The following MEOX2 variants were observed in gnomAD, a reference collection of about 807,000 sequenced individuals.
MEOX2 encodes mesenchyme homeobox 2.
Under a neutral mutation model 27.0 loss-of-function variants are expected in MEOX2, and 11 were observed. The ratio of observed to expected loss-of-function variants is 0.41; its 90% CI spans 0.26 to 0.68. The LOEUF (loss-of-function observed/expected upper bound fraction) is 0.68, where lower values mean the gene tolerates loss of function less well. MEOX2 is among the 30% of genes least tolerant of loss of function. MEOX2 has a pLI of 0.33. For synonymous variants in MEOX2, 189 were observed against 155.4 expected, an observed-to-expected ratio of 1.22 and a Z score of -1.61; for missense variants, 436 against 385.4, an observed-to-expected ratio of 1.13 and a Z score of -1.10.
In MEOX2 at chr7:15,686,135, T is replaced by A. The variant is rs777632205; in HGVS notation, c.268A>T (p.Thr90Ser). The change falls in exon 1 of 3, where the codon ACC (threonine) becomes TCC (serine). Residue 90 changes from threonine (T) to serine (S), a missense_variant. Coordinates refer to ENST00000262041, the MANE Select transcript of MEOX2 (RefSeq NM_005924.5). ...HQQQQHQALQTNWHLPQMSSP... is the reference protein window; with the variant it reads ...HQQQQHQALQSNWHLPQMSSP... ...GACATCTGCGGGAGGTGCCAGTTGGTTTGCAGAGCCTGGTGCTGCTGCTGC... is the reference window on the plus strand; with the variant it reads ...GACATCTGCGGGAGGTGCCAGTTGGATTGCAGAGCCTGGTGCTGCTGCTGC... 1.7e-5 allele frequency: 27 copies of A among 1,583,724 alleles called. No homozygotes were observed. Among genetic ancestry groups the A allele is most frequent in the Non-Finnish European group, 2.1e-5 (24 of 1,165,682 alleles).
chr7:15,657,332 G>A (rs903471686), intron 1 of MEOX2, among the ~76,000 whole-genome samples: 12 of 152,114 alleles, frequency 7.9e-5, no homozygotes, highest in Admixed American at 7.2e-4. Flanking sequence ...ACAAATATTA[G>A]ATTGCTTTTG....
intron 1 of MEOX2, among the ~76,000 whole-genome samples, chr7:15,659,401 T>G (rs186760601): frequency 6.6e-6 from 1 of 151,994 alleles, no homozygotes; most frequent in Admixed American, 6.6e-5. Context: ...AAAATGAAAA[T>G]TTTATATCTG....
chr7:15,640,254 TTGTGTGTGTGTG>T (rs34600761), intron 1 of MEOX2, among the ~76,000 whole-genome samples: 3 of 145,912 alleles, frequency 2.1e-5, no homozygotes, highest in South Asian at 2.2e-4. Flanking sequence ...GTGTGTGTGT[TTGTGTGTGTGTG>T]TGTGTGTGTG....
Position 15,612,556 on chromosome 7 carries a change from T to C in MEOX2, c.746A>G (p.Gln249Arg), listed in dbSNP as rs747232554. 2 of 1,614,200 alleles carry C rather than the reference T, an allele frequency of 1.2e-6. No individual in the cohort carries two copies. The highest frequency in any genetic ancestry group is 1.1e-5 in the South Asian group (1 of 91,090). The change falls in exon 3 of 3, where the codon CAG becomes CGG. Residue 249 changes from glutamine to arginine, a missense_variant. Physicochemically the swap from Gln to Arg is conservative, Grantham distance 43. Coordinates refer to ENST00000262041, the MANE Select transcript of MEOX2 (RefSeq NM_005924.5). Reference sequence around the variant, plus strand: ...CTTTTCCCGAGCCGCAGCTCCTTGCTGTCCACCCTTTACCCTCTTCCACTT... The same window carrying C: ...CTTTTCCCGAGCCGCAGCTCCTTGCCGTCCACCCTTTACCCTCTTCCACTT... ...RMKWKRVKGG[Q>R]QGAAAREKEL...
intron 1 of MEOX2, among the ~76,000 whole-genome samples, chr7:15,641,034 A>T (rs920442766): frequency 3.9e-5 from 6 of 152,084 alleles, no homozygotes; most frequent in African/African-American, 1.4e-4. Flanking sequence ...ATATCGTGGT[A>T]GGATGAGTTA....
intron 1 of MEOX2, among the ~76,000 whole-genome samples, chr7:15,636,627 A>G (rs1781481881): frequency 6.6e-6 from 1 of 152,124 alleles, no homozygotes; most frequent in African/African-American, 2.4e-5. Context: ...ATTTCTTTGG[A>G]GATCTTAAAT....
chr7:15,660,870 A>T (rs1781902403), intron 1 of MEOX2, among the ~76,000 whole-genome samples: 1 of 151,896 alleles, frequency 6.6e-6, no homozygotes, highest in Non-Finnish European at 1.5e-5. Flanking sequence ...AAAATCAGCC[A>T]GGCATGATGG....
chr7:15,672,101 C>A (rs548139255), intron 1 of MEOX2, among the ~76,000 whole-genome samples: 33 of 148,384 alleles, frequency 2.2e-4, no homozygotes, highest in African/African-American at 7.4e-4. Context: ...TAAAAAAAAA[C>A]AAAAAAAACA....
chr7:15,662,877 T>A (rs1159077502), intron 1 of MEOX2, among the ~76,000 whole-genome samples: 2 of 152,208 alleles, frequency 1.3e-5, no homozygotes, highest in African/African-American at 4.8e-5. Flanking sequence ...ATGATTCCCA[T>A]GATTAGAAAA....
intron 1 of MEOX2, among the ~76,000 whole-genome samples, chr7:15,663,906 A>G (rs1781956314): frequency 6.6e-6 from 1 of 152,180 alleles, no homozygotes. Flanking sequence ...TCTGTTCAAT[A>G]CTATCTGTTT....
chr7:15,670,676 TTACATACC>T (rs1478541627), intron 1 of MEOX2, among the ~76,000 whole-genome samples: 1 of 152,184 alleles, frequency 6.6e-6, no homozygotes, highest in Non-Finnish European at 1.5e-5. Context: ...ACATGTGGCT[TTACATACC>T]ATACTACATG....
intron 1 of MEOX2, among the ~76,000 whole-genome samples, chr7:15,658,828 T>A (rs191060769): frequency 7.9e-5 from 12 of 152,334 alleles, no homozygotes; most frequent in Non-Finnish European, 1.5e-4. Context: ...CACCCTGAAC[T>A]TAGTCTTCCC....
intron 1 of MEOX2, among the ~76,000 whole-genome samples, chr7:15,643,786 C>T (rs558969414): frequency 6.6e-6 from 1 of 152,298 alleles, no homozygotes; most frequent in Non-Finnish European, 1.5e-5. Context: ...GGGGGCTCCT[C>T]CTGTAGTCAA....
chr7:15,637,997 T>G (rs1370755269), intron 1 of MEOX2, among the ~76,000 whole-genome samples: 1 of 152,130 alleles, frequency 6.6e-6, no homozygotes, highest in Non-Finnish European at 1.5e-5. Context: ...TAGCCTTTTC[T>G]AAGTCAAATT....
At chr7:15,628,104 T>C (rs1393791381) in intron 1 of MEOX2, among the ~76,000 whole-genome samples, 2 of 152,122 alleles carry the variant, frequency 1.3e-5, no homozygotes, top group Non-Finnish European at 2.9e-5. Context: ...GTTTTTTTAA[T>C]TGACAAATAT....
intron 1 of MEOX2, among the ~76,000 whole-genome samples, chr7:15,640,003 T>C (rs556712737): frequency 7.2e-5 from 11 of 152,326 alleles, no homozygotes; most frequent in African/African-American, 2.6e-4. Context: ...AGAATTGTTT[T>C]TCTAATTCTG....
intron 2 of MEOX2, among the ~76,000 whole-genome samples, chr7:15,620,554 C>A (rs182582773): frequency 6.7e-6 from 1 of 149,904 alleles, no homozygotes; most frequent in African/African-American, 2.5e-5. Flanking sequence ...GCCTGGGTGA[C>A]AAACAACAAC....
chr7:15,665,027 T>A (rs1294815520), intron 1 of MEOX2, among the ~76,000 whole-genome samples: 1 of 149,186 alleles, frequency 6.7e-6, no homozygotes, highest in African/African-American at 2.5e-5. Flanking sequence ...GACAGATTTA[T>A]TATTAAGTGG....
At chr7:15,638,996 C>G (rs1781523670) in intron 1 of MEOX2, among the ~76,000 whole-genome samples, 1 of 152,012 alleles carries the variant, frequency 6.6e-6, no homozygotes, top group African/African-American at 2.4e-5. Context: ...TGGGTAGATA[C>G]CCGGTAGTGG....
Sources: allele counts gnomAD v4.1 joint callset (sites outside exome capture counted in the v4.1 genomes callset), GRCh38; gene constraint gnomAD v4.1.1; transcripts MANE v1.5; gene names NCBI Gene and HGNC (gene_info 2026-07-23, HGNC 2026-07-21).